The following ERCC1 variants were observed in gnomAD, a reference collection of about 807,000 sequenced individuals.
ERCC1 encodes ERCC excision repair 1, endonuclease non-catalytic subunit.
Under a neutral mutation model 37.6 loss-of-function variants are expected in ERCC1, and 36 were observed. The ratio of observed to expected loss-of-function variants is 0.96; its 90% CI spans 0.73 to 1.26. ERCC1 has a LOEUF of 1.26. Among genes scored for constraint, ERCC1 ranks in the 50% most tolerant of loss-of-function variants. The pLI is 0.00. For missense variants in ERCC1, 349 were observed against 376.5 expected (o/e 0.93, Z 0.60); for synonymous variants, 156 against 162.1 (o/e 0.96, Z 0.28).
chr19:45,409,898 T>TTATTA (rs1568573194), intron 9 of ERCC1, 173 bp from the exon 10 acceptor site: 15 of 188,948 alleles, frequency 7.9e-5, no homozygotes, highest in East Asian at 5.2e-4. Context: ...TATTATTATT[T>TTATTA]TTTTTTTTTT....
At chr19:45,414,185 G>A in intron 7 of ERCC1, 151 bp from the exon 8 acceptor site, 1 of 706,012 alleles carries the variant, frequency 1.4e-6, no homozygotes. Context: ...TGATTAAAAA[G>A]TCATCTCAGG....
upstream of ERCC1, among the ~76,000 whole-genome samples, chr19:45,425,744 G>T (rs1974673416): frequency 6.6e-6 from 1 of 152,188 alleles, no homozygotes; most frequent in Non-Finnish European, 1.5e-5. Context: ...TTGACCAAAG[G>T]TAGATCTTTT....
chr19:45,436,116 G>A (rs1313538604), intron 1 of ERCC1, among the ~76,000 whole-genome samples: 1 of 151,920 alleles, frequency 6.6e-6, no homozygotes, highest in African/African-American at 2.4e-5. Context: ...AGTGACCCAC[G>A]GAGCCTGGAT....
intron 1 of ERCC1, among the ~76,000 whole-genome samples, chr19:45,442,227 G>T (rs985006971): frequency 3.3e-5 from 5 of 151,498 alleles, no homozygotes; most frequent in African/African-American, 4.8e-5. Context: ...GAGGTGGGTG[G>T]GAGGATCGGT....
At chr19:45,432,161 G>A (rs1417448805) in intron 1 of ERCC1, among the ~76,000 whole-genome samples, 2 of 151,604 alleles carry the variant, frequency 1.3e-5, no homozygotes, top group East Asian at 1.9e-4. Flanking sequence ...TAGTAGTGAC[G>A]GTGTTTCACC....
intron 1 of ERCC1, among the ~76,000 whole-genome samples, chr19:45,443,208 G>T (rs190720347): frequency 2.6e-4 from 39 of 152,254 alleles, no homozygotes; most frequent in African/African-American, 9.1e-4. Context: ...GCTCCAAGGA[G>T]GTATGGCTGT....
intron 1 of ERCC1, among the ~76,000 whole-genome samples, chr19:45,450,977 C>T (rs989168778): frequency 2.8e-5 from 4 of 142,810 alleles, no homozygotes; most frequent in African/African-American, 1.0e-4. Flanking sequence ...GCTGTTTGTC[C>T]CGGGCTGGGT....
chr19:45,413,592 C>T (rs2123465407), intron 9 of ERCC1, 85 bp downstream of exon 9: 1 of 1,614,188 alleles, frequency 6.2e-7, no homozygotes, highest in Non-Finnish European at 8.5e-7. Context: ...TCTTTTTTCA[C>T]CTTAAAACTT....
intron 1 of ERCC1, among the ~76,000 whole-genome samples, chr19:45,437,800 C>A (rs564608068): frequency 1.3e-5 from 2 of 152,130 alleles, no homozygotes; most frequent in East Asian, 3.8e-4. Context: ...AGCATGGTAA[C>A]CACAGTTAAT....
In ERCC1 at chr19:45,417,903, A is replaced by G. The variant is rs1974158527; in HGVS notation, c.526-1006T>C. ...TGGGGGTCTTCACTATGTTGCCCAG[A>G]CTAGTCTCGAACTCTTGGCCTCAAG... On this transcript the variant is annotated intron_variant, in intron 5 of 9. Transcript: ENST00000300853. Among the ~76,000 whole-genome samples the G allele has an allele frequency of 4.6e-5, 7 of 151,784 alleles. No individual in the cohort carries two copies. The South Asian group carries it at 1.5e-3, about 32-fold the overall frequency.
chr19:45,448,755 A>C (rs1043793445), intron 1 of ERCC1, among the ~76,000 whole-genome samples: 2 of 152,148 alleles, frequency 1.3e-5, no homozygotes, highest in Non-Finnish European at 2.9e-5. Context: ...GCTGAGAAAG[A>C]CAAAAAGCTA....
intron 1 of ERCC1, among the ~76,000 whole-genome samples, chr19:45,435,234 A>G (rs1007109289): frequency 1.3e-5 from 2 of 152,052 alleles, no homozygotes; most frequent in African/African-American, 4.8e-5. Context: ...CAGCATTTCA[A>G]ACACTTCCAG....
intron 2 of ERCC1, among the ~76,000 whole-genome samples, chr19:45,422,748 C>T (rs1051091173): frequency 2.6e-5 from 4 of 151,948 alleles, no homozygotes; most frequent in Admixed American, 6.6e-5. Flanking sequence ...AAGAGCGAGA[C>T]TCTGTCTCAA....
intron 1 of ERCC1, among the ~76,000 whole-genome samples, chr19:45,438,577 C>A (rs1467150510): frequency 1.3e-5 from 2 of 152,182 alleles, no homozygotes; most frequent in Non-Finnish European, 2.9e-5. Flanking sequence ...CCTCCTACCT[C>A]AGCCTTCTGA....
intron 1 of ERCC1, among the ~76,000 whole-genome samples, chr19:45,449,910 G>A (rs1209481353): frequency 6.6e-6 from 1 of 152,150 alleles, no homozygotes; most frequent in Non-Finnish European, 1.5e-5. Context: ...GTTGCCGTGA[G>A]CCGAGATCAT....
Position 45,408,072 on chromosome 19 carries a change from T to C in ERCC1, c.*1603A>G, listed in dbSNP as rs2013521. 72 of 1,490,426 alleles carry C rather than the reference T, an allele frequency of 4.8e-5. No homozygotes were observed. The East Asian group carries it at 4.9e-4, about 10-fold the overall frequency. The allele number at this position is 1,490,426 out of a possible 1,614,324, so 92.3% of individuals were successfully genotyped here. ...CTCTCAAAAAAAAACAAAAAAAAAA[T>C]CAAAAAACCTTCCCTCTCCTGTTCC... On this transcript the variant is annotated 3_prime_UTR_variant, in exon 10 of 10. Transcript: ENST00000300853.
chr19:45,436,115 C>T (rs1031313149), intron 1 of ERCC1, among the ~76,000 whole-genome samples: 2 of 152,018 alleles, frequency 1.3e-5, no homozygotes, highest in African/African-American at 4.8e-5. Flanking sequence ...CAGTGACCCA[C>T]GGAGCCTGGA....
intron 1 of ERCC1, 108 bp downstream of exon 1, chr19:45,423,673 G>A: frequency 7.9e-7 from 1 of 1,264,334 alleles, no homozygotes; most frequent in Non-Finnish European, 1.0e-6. Flanking sequence ...GGCCCCCGAG[G>A]CTAGCATCTG....
chr19:45,412,988 G>C (rs1040639144), intron 9 of ERCC1, among the ~76,000 whole-genome samples: 3 of 152,142 alleles, frequency 2.0e-5, no homozygotes, highest in Admixed American at 2.0e-4. Flanking sequence ...TGATCCAGCC[G>C]CCTCAGCCTC....
Sources: allele counts gnomAD v4.1 joint callset (sites outside exome capture counted in the v4.1 genomes callset), GRCh38; gene constraint gnomAD v4.1.1; transcripts MANE v1.5; gene names NCBI Gene and HGNC (gene_info 2026-07-23, HGNC 2026-07-21).